Variants in PPP2R2B observed in about 807,000 individuals in gnomAD.
The protein encoded by PPP2R2B is serine/threonine-protein phosphatase 2A 55 kDa regulatory subunit B beta isoform.
PPP2R2B carries 5 observed loss-of-function variants against 46.0 expected under a neutral mutation model. That is an observed-to-expected ratio of 0.11 (90% CI 0.06 to 0.23). The LOEUF is 0.23. Ranked by LOEUF, PPP2R2B falls within the 10% of genes least tolerant of loss-of-function variation. PPP2R2B has a pLI of 1.00. For synonymous variants in PPP2R2B, 215 were observed against 206.7 expected (o/e 1.04, Z -0.34); for missense variants, 367 against 575.0 (o/e 0.64, Z 3.70).
chr5:146,907,373 A>T (rs150095620), intron 1 of PPP2R2B, among the ~76,000 whole-genome samples: 1 of 152,360 alleles, frequency 6.6e-6, no homozygotes, highest in African/African-American at 2.4e-5. Flanking sequence ...TCTTCAGGAC[A>T]TTGGTTAAAA....
At chr5:146,763,980 G>C (rs1257561592) in intron 2 of PPP2R2B, among the ~76,000 whole-genome samples, 2 of 152,056 alleles carry the variant, frequency 1.3e-5, no homozygotes, top group African/African-American at 4.8e-5. Context: ...TCTTGCCTTG[G>C]CCTCCCAAAG....
At chr5:146,780,059 G>A (rs10053006) in intron 2 of PPP2R2B, among the ~76,000 whole-genome samples, 3 of 152,096 alleles carry the variant, frequency 2.0e-5, no homozygotes, top group East Asian at 3.8e-4. Context: ...ATGATGTAAC[G>A]TGGGGTTAAA....
intron 1 of PPP2R2B, among the ~76,000 whole-genome samples, chr5:147,031,106 G>A (rs1479501076): frequency 1.3e-5 from 2 of 151,940 alleles, no homozygotes; most frequent in East Asian, 1.9e-4. Context: ...GCATGGTGGC[G>A]GGCCCCTGTA....
chr5:146,794,889 A>G (rs1756426850), intron 2 of PPP2R2B, among the ~76,000 whole-genome samples: 1 of 152,124 alleles, frequency 6.6e-6, no homozygotes, highest in Non-Finnish European at 1.5e-5. Flanking sequence ...CTGGGAGGCA[A>G]TCAAATGGGA....
chr5:146,748,316 T>C lies in PPP2R2B; in HGVS notation c.71-47174A>G, dbSNP rs567936013. 3.9e-5 allele frequency among the ~76,000 whole-genome samples: 6 copies of C among 152,182 alleles called. 1 individual carries two copies. Among genetic ancestry groups the C allele is most frequent in the South Asian group, 2.1e-4 (1 of 4,828 alleles). ...ATTCACATGCAATTGTAAGAAATAA[T>C]AGAGAGTTACTATGGAACATTCACC... On this transcript the variant is annotated intron_variant, in intron 2 of 9. Coordinates refer to ENST00000394411, the MANE Select transcript of PPP2R2B (RefSeq NM_181675.4).
intron 2 of PPP2R2B, among the ~76,000 whole-genome samples, chr5:147,071,814 C>T (rs1477837413): frequency 6.6e-6 from 1 of 152,160 alleles, no homozygotes; most frequent in Non-Finnish European, 1.5e-5. Flanking sequence ...CTAGCCCCTC[C>T]ACTATTGAAT....
At chr5:147,028,714 G>A (rs1755639904) in intron 1 of PPP2R2B, among the ~76,000 whole-genome samples, 1 of 152,130 alleles carries the variant, frequency 6.6e-6, no homozygotes, top group Non-Finnish European at 1.5e-5. Context: ...AGAACAGTTG[G>A]ATTTACTGTA....
intron 2 of PPP2R2B, among the ~76,000 whole-genome samples, chr5:146,844,257 G>T (rs1206701059): frequency 1.3e-5 from 2 of 149,898 alleles, no homozygotes; most frequent in African/African-American, 4.9e-5. Context: ...AATGCTAGAT[G>T]ACACGTTAGT....
intron 1 of PPP2R2B, among the ~76,000 whole-genome samples, chr5:146,937,663 A>G (rs1207660457): frequency 6.6e-6 from 1 of 152,042 alleles, no homozygotes; most frequent in Non-Finnish European, 1.5e-5. Context: ...TTTGAGCTAG[A>G]GTGAGCCGCA....
intron 1 of PPP2R2B, among the ~76,000 whole-genome samples, chr5:146,993,457 G>T (rs1432102240): frequency 6.6e-6 from 1 of 151,392 alleles, no homozygotes; most frequent in Non-Finnish European, 1.5e-5. Context: ...GGCCAGGCTG[G>T]TCTCAAACTC....
intron 1 of PPP2R2B, among the ~76,000 whole-genome samples, chr5:146,925,514 G>T (rs1158301780): frequency 6.6e-6 from 1 of 152,164 alleles, no homozygotes; most frequent in Non-Finnish European, 1.5e-5. Context: ...TTAATTGCAT[G>T]GATGCTCACC....
chr5:146,750,706 TTC>T (rs923277690), intron 2 of PPP2R2B, among the ~76,000 whole-genome samples: 2 of 152,220 alleles, frequency 1.3e-5, no homozygotes, highest in African/African-American at 4.8e-5. Flanking sequence ...TACCCAAGTC[TTC>T]TCATGGTTAA....
intron 2 of PPP2R2B, among the ~76,000 whole-genome samples, chr5:146,804,231 T>C (rs1051231456): frequency 2.0e-5 from 3 of 152,146 alleles, no homozygotes; most frequent in Non-Finnish European, 4.4e-5. Context: ...CTACTTCCTA[T>C]GCACTAGGCA....
chr5:147,079,025 T>G (rs1008159156), intron 2 of PPP2R2B, among the ~76,000 whole-genome samples: 2 of 152,044 alleles, frequency 1.3e-5, no homozygotes, highest in Non-Finnish European at 2.9e-5. Context: ...AAGTTTCTAA[T>G]GTCTAGCACA....
At chr5:146,819,603 C>G (rs918786509) in intron 2 of PPP2R2B, among the ~76,000 whole-genome samples, 3 of 152,260 alleles carry the variant, frequency 2.0e-5, no homozygotes, top group South Asian at 2.1e-4. Flanking sequence ...GTTATCGTTT[C>G]CTCCATAAGA....
chr5:147,034,471 G>T (rs754874429), intron 1 of PPP2R2B, among the ~76,000 whole-genome samples: 2 of 151,954 alleles, frequency 1.3e-5, no homozygotes, highest in Non-Finnish European at 2.9e-5. Flanking sequence ...GTGGAATATC[G>T]CAGTGAATGA....
Position 147,028,297 on chromosome 5 carries a change from C to A in PPP2R2B, c.79+27368G>T, listed in dbSNP as rs568126852. On this transcript the variant is annotated intron_variant, in intron 1 of 8. Coordinates refer to the PPP2R2B transcript ENST00000336640. ...CTAATAATAATTTAGCCCCTGATTA[C>A]TGCACTATGCTTTTTAAATTGAAGA... Among the ~76,000 whole-genome samples the A allele has an allele frequency of 3.9e-5, 6 of 152,260 alleles. No homozygotes were observed. In the East Asian group the frequency reaches 1.2e-3, roughly 29 times the overall value.
In PPP2R2B at chr5:146,645,568, A is replaced by T. The variant is rs192579883; in HGVS notation, c.625+4979T>A. Among the ~76,000 whole-genome samples the T allele has an allele frequency of 1.9e-3, 294 of 152,162 alleles. 1 individual carries two copies. The highest frequency in any genetic ancestry group is 6.8e-3 in the African/African-American group (283 of 41,554). ...CCTGGCAGAATCCCACTGAATTAAA[A>T]GGAAGCTGCTGTCCATGGTAGTAAT... On this transcript the variant is annotated intron_variant, in intron 6 of 9. Transcript: ENST00000394411.
intron 1 of PPP2R2B, among the ~76,000 whole-genome samples, chr5:146,946,825 A>T (rs1764498433): frequency 6.6e-6 from 1 of 151,986 alleles, no homozygotes; most frequent in African/African-American, 2.4e-5. Context: ...TTCCCATCTC[A>T]CACACTTCCC....
Sources: gnomAD v4.1 joint callset for allele counts (sites outside exome capture counted in the v4.1 genomes callset) on GRCh38, gnomAD v4.1.1 for gene constraint, MANE v1.5 for transcripts, NCBI Gene and HGNC (gene_info 2026-07-23, HGNC 2026-07-21) for gene names.